Variants in POLN observed in about 807,000 individuals in gnomAD.
The protein encoded by POLN is DNA polymerase nu, also known as DNA polymerase N.
POLN carries 108 observed loss-of-function variants against 113.5 expected under a neutral mutation model. The observed-to-expected ratio is 0.95, with a 90% CI of 0.81 to 1.12. POLN has a LOEUF of 1.12. Ranked by LOEUF, POLN falls within the 50% of genes most tolerant of loss-of-function variation. The pLI, the probability that POLN is intolerant of heterozygous loss-of-function variation, is 0.00. For missense variants in POLN, 1,097 were observed against 1,077.1 expected (o/e 1.02, Z -0.26); for synonymous variants, 386 against 391.5 (o/e 0.99, Z 0.17).
chr4:2,175,692 C>A (rs1560082676), intron 9 of POLN, among the ~76,000 whole-genome samples: 1 of 152,354 alleles, frequency 6.6e-6, no homozygotes. Flanking sequence ...CCCCTCCAGA[C>A]CCATTCTCTG....
At chr4:2,079,270 G>T in intron 23 of POLN, 1 of 363,702 alleles carries the variant, frequency 2.7e-6, no homozygotes, top group Non-Finnish European at 3.8e-6. Context: ...CTTAGAGGCA[G>T]GACCACCATT....
At chr4:2,238,706 T>C (rs776556624) in intron 2 of POLN, 1 of 1,613,422 alleles carries the variant, frequency 6.2e-7, no homozygotes, top group Non-Finnish European at 8.5e-7. Context: ...GAGCATCATG[T>C]TACTTTGACT....
chr4:2,100,740 A>G (rs961293366), intron 19 of POLN, among the ~76,000 whole-genome samples: 4 of 152,246 alleles, frequency 2.6e-5, no homozygotes, highest in Non-Finnish European at 5.9e-5. Context: ...AGGAGTAAAA[A>G]TAGATAAATC....
At chr4:2,075,650 G>C (rs1560963056) in intron 23 of POLN, 131 bp from the exon 24 acceptor site, 1 of 894,892 alleles carries the variant, frequency 1.1e-6, no homozygotes, top group South Asian at 1.5e-5. Context: ...TGCATGCAGA[G>C]GTGGGGGCCC....
intron 20 of POLN, chr4:2,088,893 G>T: frequency 7.2e-7 from 1 of 1,394,126 alleles, no homozygotes; most frequent in African/African-American, 1.5e-5. Flanking sequence ...CAGCTTTTTA[G>T]TGGGTAACGA....
chr4:2,094,307 G>A (rs1332457601), intron 20 of POLN, among the ~76,000 whole-genome samples: 1 of 135,946 alleles, frequency 7.4e-6, no homozygotes, highest in East Asian at 2.3e-4. Context: ...TCAATGCAGT[G>A]AGCCGAGATT....
At chr4:2,151,694 G>A (rs1170808933) in intron 16 of POLN, among the ~76,000 whole-genome samples, 2 of 152,170 alleles carry the variant, frequency 1.3e-5, no homozygotes, top group Non-Finnish European at 2.9e-5. Context: ...TAGTAACAAC[G>A]CTGTGAAAGG....
chr4:2,141,964 T>C (rs911228207), intron 16 of POLN, among the ~76,000 whole-genome samples: 3 of 152,220 alleles, frequency 2.0e-5, no homozygotes, highest in African/African-American at 7.2e-5. Context: ...TCTTTCAAAG[T>C]GTGCTCAGCT....
intron 19 of POLN, among the ~76,000 whole-genome samples, chr4:2,114,665 G>T (rs973068359): frequency 8.5e-5 from 13 of 152,108 alleles, no homozygotes; most frequent in Non-Finnish European, 1.9e-4. Context: ...TGGCTTTCAA[G>T]ATTTTATCTT....
intron 13 of POLN, among the ~76,000 whole-genome samples, chr4:2,162,551 G>T (rs1410585998): frequency 6.6e-6 from 1 of 152,168 alleles, no homozygotes; most frequent in Admixed American, 6.5e-5. Context: ...CCACCTCTGG[G>T]GCTCAAGCTA....
At chr4:2,095,640 G>A (rs562177013) in intron 20 of POLN, among the ~76,000 whole-genome samples, 51 of 152,306 alleles carry the variant, frequency 3.3e-4, no homozygotes, top group South Asian at 2.1e-4. Context: ...GCCCAGCTCC[G>A]CGGCCTCCCC....
chr4:2,081,914 G>A lies in POLN; in HGVS notation c.2198-171C>T, dbSNP rs539832287. 7.3e-5 allele frequency among the ~76,000 whole-genome samples: 11 copies of A among 151,554 alleles called. No individual in the cohort carries two copies. In the East Asian group the frequency reaches 2.1e-3, roughly 29 times the overall value. ...CATGGGGGCAAGTGGGCCCTGCAGT[G>A]GGAAAGCGAGGGTCTGAGCTGGGCA... On this transcript the variant is annotated intron_variant, in intron 21 of 25. Coordinates refer to ENST00000511885, the MANE Select transcript of POLN (RefSeq NM_181808.4).
chr4:2,074,385 GGCT>G (rs1292535986), intron 24 of POLN, among the ~76,000 whole-genome samples: 2 of 152,216 alleles, frequency 1.3e-5, no homozygotes, highest in Non-Finnish European at 2.9e-5. Context: ...GCAGAGCACA[GGCT>G]GCAGCCTGCC....
At position 2,100,271 on chromosome 4, in the gene POLN, A is replaced by C. The variant is rs1038191935; in HGVS notation, c.1983-4338T>G. On this transcript the variant is annotated intron_variant, in intron 19 of 25. Transcript: ENST00000511885. The stretch of plus-strand genomic sequence containing the variant: ...GATAACTGGTATTTAAATTTTTTGT[A>C]ACCAATGAAAATTATAAAGAAAAAA... Among the ~76,000 whole-genome samples, 3 of 152,144 alleles carry C rather than the reference A, an allele frequency of 2.0e-5. No homozygotes were observed. In the East Asian group the frequency reaches 5.8e-4, roughly 29 times the overall value.
chr4:2,124,679 G>T lies in POLN; in HGVS notation c.1982+3434C>A, dbSNP rs1349027380. Among the ~76,000 whole-genome samples, 3 of 152,166 alleles carry T rather than the reference G, an allele frequency of 2.0e-5. No homozygotes were observed. In the East Asian group the frequency reaches 5.8e-4, roughly 29 times the overall value. On this transcript the variant is annotated intron_variant, in intron 19 of 25. Coordinates refer to ENST00000511885, the MANE Select transcript of POLN (RefSeq NM_181808.4). ...AGAAGGATGTTTTCCCAGGAGCGGG[G>T]GCACAGAGACCAGGAGAAAGCACCG...
At chr4:2,210,619 AATAATAATAAT>A (rs1280381993) in intron 4 of POLN, among the ~76,000 whole-genome samples, 9 of 137,174 alleles carry the variant, frequency 6.6e-5, no homozygotes, top group South Asian at 2.2e-4. Flanking sequence ...TAATAATAAT[AATAATAATAAT>A]AAAAAAAAGA....
At chr4:2,199,795 T>C (rs1026610861) in intron 5 of POLN, among the ~76,000 whole-genome samples, 3 of 152,096 alleles carry the variant, frequency 2.0e-5, no homozygotes, top group Non-Finnish European at 4.4e-5. Flanking sequence ...CAGGCTGGTC[T>C]CGAACTCCTG....
At chr4:2,075,391 G>T in intron 24 of POLN, 61 bp downstream of exon 24, 1 of 1,557,022 alleles carries the variant, frequency 6.4e-7, no homozygotes. Flanking sequence ...TGCCCATGGG[G>T]CATGGAGCCT....
rs570960387 is a variant in POLN at position 2,133,016 on chromosome 4, T to C, written c.1732-1726A>G. Among the ~76,000 whole-genome samples the C allele has an allele frequency of 2.0e-4, 30 of 152,178 alleles. No homozygotes were observed. In the South Asian group the frequency reaches 6.2e-3, roughly 32 times the overall value. On this transcript the variant is annotated intron_variant, in intron 16 of 25. Coordinates refer to ENST00000511885, the MANE Select transcript of POLN (RefSeq NM_181808.4). ...AGTGGTAGAATATGAAATATAAAAA[T>C]AGCTTGTGGCTGGGCACAGTGGATC...
Sources: allele counts gnomAD v4.1 joint callset (sites outside exome capture counted in the v4.1 genomes callset), GRCh38; gene constraint gnomAD v4.1.1; transcripts MANE v1.5; gene names NCBI Gene and HGNC (gene_info 2026-07-23, HGNC 2026-07-21).